The following KLHL1 variants were observed in gnomAD, a reference collection of about 807,000 sequenced individuals.
KLHL1 encodes the protein kelch like family member 1.
A neutral mutation model predicts 77.7 loss-of-function variants in KLHL1; 47 were observed. That is an observed-to-expected ratio of 0.60 (90% CI 0.48 to 0.77). The LOEUF (loss-of-function observed/expected upper bound fraction) is 0.77. Ranked by LOEUF, KLHL1 falls within the 30% of genes least tolerant of loss-of-function variation. KLHL1 has a pLI of 0.00. For missense variants in KLHL1, 925 were observed against 910.8 expected (o/e 1.02, Z -0.20); for synonymous variants, 360 against 325.2 (o/e 1.11, Z -1.15).
At chr13:69,725,773 TA>T (rs1165770245) in intron 8 of KLHL1, among the ~76,000 whole-genome samples, 2 of 152,122 alleles carry the variant, frequency 1.3e-5, no homozygotes, top group Non-Finnish European at 2.9e-5. Context: ...CTGTAAGGCA[TA>T]TTAACAAATA....
intron 1 of KLHL1, among the ~76,000 whole-genome samples, chr13:70,068,273 G>T (rs902687730): frequency 2.0e-5 from 3 of 151,916 alleles, no homozygotes; most frequent in African/African-American, 7.3e-5. Context: ...CCCGGGAGGC[G>T]GAGCTTGCAG....
intron 3 of KLHL1, among the ~76,000 whole-genome samples, chr13:69,943,557 T>A (rs1305723087): frequency 6.6e-6 from 1 of 152,062 alleles, no homozygotes; most frequent in Non-Finnish European, 1.5e-5. Context: ...TTGATATATA[T>A]TTTAAGGTTT....
At chr13:69,947,026 TGTTGTGTG>T (rs1332358987) in intron 3 of KLHL1, among the ~76,000 whole-genome samples, 32 of 103,404 alleles carry the variant, frequency 3.1e-4, no homozygotes, top group African/African-American at 9.9e-4. Context: ...TGTGTGTGTG[TGTTGTGTG>T]TGTGTGTGTG....
chr13:69,878,662 A>G (rs1880858129), intron 5 of KLHL1, among the ~76,000 whole-genome samples: 1 of 152,056 alleles, frequency 6.6e-6, no homozygotes, highest in Non-Finnish European at 1.5e-5. Context: ...ACATATAAAT[A>G]CATACATGTA....
intron 4 of KLHL1, among the ~76,000 whole-genome samples, chr13:69,899,139 C>T (rs1170979604): frequency 1.3e-5 from 2 of 151,720 alleles, no homozygotes; most frequent in East Asian, 3.9e-4. Context: ...AAAAATGAGG[C>T]ACAAAATTTA....
chr13:70,047,708 T>A (rs571904795), intron 1 of KLHL1, among the ~76,000 whole-genome samples: 43 of 152,126 alleles, frequency 2.8e-4, no homozygotes, highest in Admixed American at 2.6e-4. Flanking sequence ...TGAATTTTTT[T>A]AAAAAAAACA....
At chr13:70,083,594 A>T (rs1018591522) in intron 1 of KLHL1, among the ~76,000 whole-genome samples, 1 of 152,238 alleles carries the variant, frequency 6.6e-6, no homozygotes, top group African/African-American at 2.4e-5. Flanking sequence ...AAAAGATATC[A>T]AACAGGGTAT....
At position 69,718,729 on chromosome 13, in the gene KLHL1, C is replaced by T. The variant is rs1331151802; in HGVS notation, c.2015+640G>A. On this transcript the variant is annotated intron_variant, in intron 9 of 10. Transcript: ENST00000377844. The stretch of plus-strand genomic sequence containing the variant: ...TCAGCGATACCTGTGCCAGAAGTCT[C>T]TGCATAGTATTCCTAGGCCTGAAGC... 3.3e-5 allele frequency among the ~76,000 whole-genome samples: 5 copies of T among 152,224 alleles called. No individual in the cohort carries two copies. In the East Asian group the frequency reaches 9.7e-4, roughly 29 times the overall value.
At chr13:69,854,318 G>A (rs559995963) in intron 5 of KLHL1, among the ~76,000 whole-genome samples, 28 of 151,978 alleles carry the variant, frequency 1.8e-4, no homozygotes, top group South Asian at 6.2e-4. Flanking sequence ...CAGTGTGTGC[G>A]GAGATCACGC....
At chr13:69,824,924 A>C (rs1341458723) in intron 6 of KLHL1, among the ~76,000 whole-genome samples, 1 of 152,154 alleles carries the variant, frequency 6.6e-6, no homozygotes, top group African/African-American at 2.4e-5. Context: ...TATCTAAAAA[A>C]AATTTGAAAT....
chr13:69,996,030 C>T (rs1239357219), intron 1 of KLHL1, among the ~76,000 whole-genome samples: 9 of 152,100 alleles, frequency 5.9e-5, no homozygotes, highest in East Asian at 1.9e-4. Context: ...ATAGGCCTGA[C>T]GTGGTAGCTC....
At chr13:69,704,806 G>C (rs9542035) in intron 10 of KLHL1, among the ~76,000 whole-genome samples, 149,629 of 151,736 alleles carry the variant, frequency 0.99, 73,808 homozygotes, top group East Asian at 1. Flanking sequence ...AATATGATAA[G>C]CTAAAAAGGT....
At chr13:69,879,366 TC>T (rs1880895581) in intron 5 of KLHL1, among the ~76,000 whole-genome samples, 1 of 152,180 alleles carries the variant, frequency 6.6e-6, no homozygotes, top group Non-Finnish European at 1.5e-5. Context: ...TCTATTTTTT[TC>T]CTATTTTTCT....
At chr13:69,799,268 G>T (rs1223186579) in intron 6 of KLHL1, among the ~76,000 whole-genome samples, 1 of 152,160 alleles carries the variant, frequency 6.6e-6, no homozygotes, top group African/African-American at 2.4e-5. Flanking sequence ...AGACTCCAAA[G>T]CCTTGCTAAA....
At chr13:70,057,210 A>G (rs946527588) in intron 1 of KLHL1, among the ~76,000 whole-genome samples, 13 of 152,124 alleles carry the variant, frequency 8.5e-5, no homozygotes, top group African/African-American at 2.4e-4. Context: ...CTAGACCCAT[A>G]CAACTTACCA....
chr13:69,867,610 G>T (rs1278700932), intron 5 of KLHL1, among the ~76,000 whole-genome samples: 4 of 151,448 alleles, frequency 2.6e-5, no homozygotes, highest in Non-Finnish European at 5.9e-5. Context: ...TAATTAATTT[G>T]ATTACTTAAA....
chr13:69,815,750 T>A lies in KLHL1; in HGVS notation c.1415-18788A>T, dbSNP rs530838662. On this transcript the variant is annotated intron_variant, in intron 6 of 10. Coordinates refer to ENST00000377844, the MANE Select transcript of KLHL1 (RefSeq NM_020866.3). ...GTAAATGAACTGGAATATTAAAAAG[T>A]AGGTGATTAACTTTTACTTCTAGGT... 3.2e-4 allele frequency among the ~76,000 whole-genome samples: 49 copies of A among 152,192 alleles called. 1 individual carries two copies. The highest frequency in any genetic ancestry group is 2.7e-3 in the South Asian group (13 of 4,812).
intron 1 of KLHL1, among the ~76,000 whole-genome samples, chr13:69,993,579 A>T (rs890925713): frequency 2.6e-5 from 4 of 152,074 alleles, no homozygotes; most frequent in African/African-American, 9.7e-5. Context: ...TCCAAGAGCT[A>T]GTCTGTCCAA....
At chr13:69,734,084 T>G (rs896361992) in intron 8 of KLHL1, among the ~76,000 whole-genome samples, 1 of 151,942 alleles carries the variant, frequency 6.6e-6, no homozygotes, top group African/African-American at 2.4e-5. Flanking sequence ...TGGGGCCTGG[T>G]GGGGGTAATT....
Sources: allele counts gnomAD v4.1 joint callset (sites outside exome capture counted in the v4.1 genomes callset), GRCh38; gene constraint gnomAD v4.1.1; transcripts MANE v1.5; gene names NCBI Gene and HGNC (gene_info 2026-07-23, HGNC 2026-07-21).